The following AKAP10 variants were observed in gnomAD, a reference collection of about 807,000 sequenced individuals.
The protein encoded by AKAP10 is A-kinase anchor protein 10, mitochondrial.
In AKAP10, 24 loss-of-function variants were observed where a neutral mutation model predicts 80.8. That is an observed-to-expected ratio of 0.30 (90% CI 0.22 to 0.42). The LOEUF (loss-of-function observed/expected upper bound fraction) is 0.42, where lower values mean the gene tolerates loss of function less well. AKAP10 is among the 10% of genes least tolerant of loss of function. The pLI is 1.00. For missense variants in AKAP10, 661 were observed against 794.9 expected (o/e 0.83, Z 2.03); for synonymous variants, 291 against 277.7 (o/e 1.05, Z -0.48).
chr17:19,910,322 A>G (rs931361815), intron 12 of AKAP10, among the ~76,000 whole-genome samples: 2 of 142,862 alleles, frequency 1.4e-5, no homozygotes, highest in African/African-American at 2.6e-5. Context: ...CGAGACTCCA[A>G]CTCAAAAAAA....
At chr17:19,962,203 T>G (rs2043358265) in intron 3 of AKAP10, among the ~76,000 whole-genome samples, 2 of 152,134 alleles carry the variant, frequency 1.3e-5, no homozygotes, top group South Asian at 4.1e-4. Context: ...ATAACAGATA[T>G]TTATATGTTG....
chr17:19,970,943 CCAGGCTA>C (rs1425299912), intron 1 of AKAP10, among the ~76,000 whole-genome samples: 1 of 151,928 alleles, frequency 6.6e-6, no homozygotes, highest in Non-Finnish European at 1.5e-5. Context: ...GCTTTGTTGT[CCAGGCTA>C]GAGTGCAGTG....
chr17:19,977,586 A>G lies in AKAP10; in HGVS notation c.88+6T>C. ...CCTGACTCCCCGCCGGCGCCCCCTC[A>G]GCTACCTTTCCGCCGGAAGAAGGAC... On this transcript the variant is annotated splice_donor_region_variant and intron_variant, in intron 1 of 14. Coordinates refer to ENST00000225737, the MANE Select transcript of AKAP10 (RefSeq NM_007202.4). The G allele has an allele frequency of 2.4e-6, 3 of 1,233,796 alleles. No homozygotes were observed. Among genetic ancestry groups the G allele is most frequent in the Non-Finnish European group, 3.0e-6 (3 of 987,828 alleles). The allele number at this position is 1,233,796 out of a possible 1,614,324, so 76.4% of individuals were successfully genotyped here.
intron 2 of AKAP10, among the ~76,000 whole-genome samples, chr17:19,966,030 A>T (rs2043413986): frequency 6.6e-6 from 1 of 152,134 alleles, no homozygotes; most frequent in Non-Finnish European, 1.5e-5. Context: ...GGTTTGCTAG[A>T]CTCTAAAAAA....
chr17:19,913,923 C>A (rs923366923), intron 12 of AKAP10, among the ~76,000 whole-genome samples: 4 of 152,248 alleles, frequency 2.6e-5, no homozygotes, highest in Middle Eastern at 3.4e-3. Flanking sequence ...ATTTCAGAAT[C>A]AGGAAATATA....
chr17:19,961,748 T>C (rs914752106), intron 3 of AKAP10, among the ~76,000 whole-genome samples: 3 of 152,254 alleles, frequency 2.0e-5, no homozygotes, highest in East Asian at 1.9e-4. Flanking sequence ...GATTTTACCA[T>C]GCATACTGTG....
chr17:19,949,793 A>C (rs1222276721), intron 4 of AKAP10, among the ~76,000 whole-genome samples: 1 of 152,002 alleles, frequency 6.6e-6, no homozygotes, highest in Non-Finnish European at 1.5e-5. Flanking sequence ...AAAAAAAAAA[A>C]AAACGGTGTT....
chr17:19,935,821 T>C (rs1448533332), intron 9 of AKAP10, among the ~76,000 whole-genome samples: 1 of 152,122 alleles, frequency 6.6e-6, no homozygotes, highest in East Asian at 1.9e-4. Flanking sequence ...CTGAAGGACC[T>C]GTCTGAAGCT....
Position 19,968,398 on chromosome 17 carries a change from C to T in AKAP10, c.136+16G>A. Reference sequence around the variant, plus strand: ...ATCACTTTTTAATGCAGTGGACTGCCAAGGGCAGAACTTACCTTTAATGGA... The same window carrying T: ...ATCACTTTTTAATGCAGTGGACTGCTAAGGGCAGAACTTACCTTTAATGGA... On this transcript the variant is annotated intron_variant, in intron 2 of 14. Coordinates refer to ENST00000225737, the MANE Select transcript of AKAP10 (RefSeq NM_007202.4). 1 of 1,610,662 alleles carries T rather than the reference C, an allele frequency of 6.2e-7. No homozygotes were observed. Among genetic ancestry groups the T allele is most frequent in the Non-Finnish European group, 8.5e-7 (1 of 1,177,408 alleles).
chr17:19,929,999 C>CAAAAAAAAAAAA (rs11365343), intron 10 of AKAP10, among the ~76,000 whole-genome samples: 1 of 81,860 alleles, frequency 1.2e-5, no homozygotes, highest in Non-Finnish European at 2.6e-5. Context: ...CAACAAAAAC[C>CAAAAAAAAAAAA]AAAAAAAAAA....
At chr17:19,971,005 C>T (rs1240862413) in intron 1 of AKAP10, among the ~76,000 whole-genome samples, 30 of 151,634 alleles carry the variant, frequency 2.0e-4, no homozygotes, top group East Asian at 2.0e-4. Context: ...TCCTCTCATG[C>T]CACCATACCT....
At chr17:19,936,489 C>G in intron 8 of AKAP10, 59 bp from the exon 9 acceptor site, 1 of 1,498,606 alleles carries the variant, frequency 6.7e-7, no homozygotes, top group Non-Finnish European at 9.1e-7. Context: ...AAGCAACTTT[C>G]AGCACCTCCT....
chr17:19,933,109 C>T (rs2042955585), intron 9 of AKAP10, among the ~76,000 whole-genome samples: 1 of 152,130 alleles, frequency 6.6e-6, no homozygotes, highest in Non-Finnish European at 1.5e-5. Flanking sequence ...ACCTCTGTCT[C>T]CCAGGTTCAA....
chr17:19,930,607 A>T (rs2042921657), intron 10 of AKAP10, among the ~76,000 whole-genome samples: 1 of 151,346 alleles, frequency 6.6e-6, no homozygotes, highest in Admixed American at 6.6e-5. Context: ...ACATAGCAAG[A>T]CCCTGTCTCT....
intron 12 of AKAP10, among the ~76,000 whole-genome samples, chr17:19,916,191 T>C (rs995094919): frequency 6.6e-6 from 1 of 152,220 alleles, no homozygotes; most frequent in African/African-American, 2.4e-5. Flanking sequence ...AGTGAGGCCT[T>C]TCCTGACAAC....
chr17:19,961,012 G>A (rs1468838544), intron 3 of AKAP10, among the ~76,000 whole-genome samples: 7 of 149,416 alleles, frequency 4.7e-5, no homozygotes, highest in Admixed American at 1.3e-4. Context: ...GTGAGACTCC[G>A]TCTACAAATA....
At chr17:19,917,439 CACT>C (rs1232009418) in intron 12 of AKAP10, among the ~76,000 whole-genome samples, 1 of 152,154 alleles carries the variant, frequency 6.6e-6, no homozygotes, top group East Asian at 1.9e-4. Flanking sequence ...CTAAAACCAC[CACT>C]GACCTCTTCC....
At chr17:19,931,190 T>A (rs1302260495) in intron 10 of AKAP10, among the ~76,000 whole-genome samples, 1 of 152,052 alleles carries the variant, frequency 6.6e-6, no homozygotes, top group African/African-American at 2.4e-5. Context: ...ACAAAAAGTA[T>A]CCTAAATAAA....
At chr17:19,924,040 T>C (rs1238894200) in intron 11 of AKAP10, among the ~76,000 whole-genome samples, 1 of 152,198 alleles carries the variant, frequency 6.6e-6, no homozygotes, top group Admixed American at 6.5e-5. Flanking sequence ...CACTATCTTT[T>C]TATTACAAGC....
Sources: allele counts gnomAD v4.1 joint callset (sites outside exome capture counted in the v4.1 genomes callset), GRCh38; gene constraint gnomAD v4.1.1; transcripts MANE v1.5; gene names NCBI Gene and HGNC (gene_info 2026-07-23, HGNC 2026-07-21).